CAMTA1: variants seen among roughly 807,000 people sequenced by gnomAD.
The protein encoded by CAMTA1 is calmodulin binding transcription activator 1.
A neutral mutation model predicts 170.9 loss-of-function variants in CAMTA1; 27 were observed. That is an observed-to-expected ratio of 0.16 (90% CI 0.12 to 0.22). The LOEUF is 0.22. Among genes scored for constraint, CAMTA1 ranks in the 10% least tolerant of loss-of-function variants. The pLI is 1.00. For missense variants in CAMTA1, 1,619 were observed against 2,217.2 expected (o/e 0.73, Z 5.42); for synonymous variants, 833 against 891.5 (o/e 0.93, Z 1.17).
At chr1:7,412,122 G>T (rs965225676) in intron 5 of CAMTA1, among the ~76,000 whole-genome samples, 8 of 151,968 alleles carry the variant, frequency 5.3e-5, no homozygotes, top group South Asian at 2.1e-4. Flanking sequence ...TATTCCATGG[G>T]GTATATGTGC....
intron 6 of CAMTA1, among the ~76,000 whole-genome samples, chr1:7,481,052 T>G (rs1402173263): frequency 6.6e-6 from 1 of 152,170 alleles, no homozygotes; most frequent in East Asian, 1.9e-4. Flanking sequence ...TCACTGCCTC[T>G]TTCCTGCTCA....
chr1:7,155,169 G>T (rs1377408362), intron 4 of CAMTA1, among the ~76,000 whole-genome samples: 2 of 152,180 alleles, frequency 1.3e-5, no homozygotes, highest in African/African-American at 2.4e-5. Context: ...GCAGGGGTGT[G>T]GGGGGCTGTG....
At chr1:6,849,726 G>C (rs966261742) in intron 3 of CAMTA1, among the ~76,000 whole-genome samples, 1 of 151,888 alleles carries the variant, frequency 6.6e-6, no homozygotes, top group Non-Finnish European at 1.5e-5. Context: ...GGGACAATTG[G>C]CTTACCACTT....
At chr1:7,389,955 T>C (rs1001058846) in intron 5 of CAMTA1, among the ~76,000 whole-genome samples, 16 of 152,268 alleles carry the variant, frequency 1.1e-4, no homozygotes, top group Admixed American at 9.8e-4. Context: ...TCGGATGCTA[T>C]TTGTGTCCCC....
chr1:7,561,730 C>T lies in CAMTA1; in HGVS notation c.511-78670C>T, dbSNP rs905221410. ...CTAGGCCACTGTGTTAGATTCTTCA[C>T]GACGCCTGTCAGAGGCCACCCCTCC... On this transcript the variant is annotated intron_variant, in intron 6 of 22. Coordinates refer to ENST00000303635, the MANE Select transcript of CAMTA1 (RefSeq NM_015215.4). This position sits in a 1 kb window ranked among gnomAD's most constrained non-coding sequence, Gnocchi z 5.3. Among the ~76,000 whole-genome samples, 2 of 151,638 alleles carry T rather than the reference C, an allele frequency of 1.3e-5. No individual in the cohort carries two copies. Among genetic ancestry groups the T allele is most frequent in the African/African-American group, 4.8e-5 (2 of 41,278 alleles).
intron 6 of CAMTA1, among the ~76,000 whole-genome samples, chr1:7,581,757 G>A (rs900655311): frequency 4.6e-5 from 7 of 152,224 alleles, no homozygotes; most frequent in Non-Finnish European, 1.0e-4. Context: ...CCTCTTGCTG[G>A]GAATTTTCTG....
At chr1:6,831,055 T>TG (rs1649889116) in intron 3 of CAMTA1, among the ~76,000 whole-genome samples, 1 of 151,834 alleles carries the variant, frequency 6.6e-6, no homozygotes, top group African/African-American at 2.4e-5. Context: ...CCTGACCTCA[T>TG]GATCCGCCCG....
At chr1:7,478,729 A>G (rs2093465039) in intron 6 of CAMTA1, among the ~76,000 whole-genome samples, 1 of 152,196 alleles carries the variant, frequency 6.6e-6, no homozygotes, top group African/African-American at 2.4e-5. Context: ...AAGCCAAACA[A>G]TTCCTGCCCC....
chr1:7,507,170 C>T (rs11120956), intron 6 of CAMTA1, among the ~76,000 whole-genome samples: 2,057 of 151,842 alleles, frequency 0.014, 45 homozygotes, highest in African/African-American at 0.046. Context: ...ACAACACACA[C>T]GCTCACACTC....
At chr1:7,392,276 A>T (rs56205211) in intron 5 of CAMTA1, among the ~76,000 whole-genome samples, 3,691 of 67,700 alleles carry the variant, frequency 0.055, 97 homozygotes, top group African/African-American at 0.13. Flanking sequence ...TTTTTTTTTG[A>T]GTCAGTTTTG....
Position 7,176,682 on chromosome 1 carries a change from C to T in CAMTA1, c.303-72809C>T, listed in dbSNP as rs1650909047. Among the ~76,000 whole-genome samples the T allele has an allele frequency of 2.0e-5, 3 of 152,184 alleles. No homozygotes were observed. In the South Asian group the frequency reaches 6.2e-4, roughly 31 times the overall value. ...CACTCACGGGTTTCTACTCTGGATC[C>T]TTCCATAGCATATTTAATCAAGACA... On this transcript the variant is annotated intron_variant, in intron 4 of 22. Transcript: ENST00000303635.
At chr1:6,890,867 C>T (rs1386925121) in intron 3 of CAMTA1, among the ~76,000 whole-genome samples, 3 of 152,218 alleles carry the variant, frequency 2.0e-5, no homozygotes, top group African/African-American at 7.2e-5. Flanking sequence ...CCACCCTGCC[C>T]AGCCTGCTTG....
intron 3 of CAMTA1, among the ~76,000 whole-genome samples, chr1:6,850,585 A>G (rs958743373): frequency 6.6e-6 from 1 of 152,238 alleles, no homozygotes; most frequent in African/African-American, 2.4e-5. Context: ...GACAAAATTT[A>G]AAACAAAATT....
intron 6 of CAMTA1, among the ~76,000 whole-genome samples, chr1:7,524,173 G>C (rs1434523639): frequency 3.9e-5 from 6 of 152,184 alleles, no homozygotes; most frequent in African/African-American, 1.2e-4. Flanking sequence ...CTGCACTCCA[G>C]CCTGGGCGAC....
At chr1:7,270,255 AC>A (rs1669541152) in intron 5 of CAMTA1, among the ~76,000 whole-genome samples, 1 of 20,548 alleles carries the variant, frequency 4.9e-5, no homozygotes, top group East Asian at 7.2e-4. Context: ...ACACACACAC[AC>A]ACACACACAC....
chr1:6,962,755 C>T (rs1690704467), intron 3 of CAMTA1, among the ~76,000 whole-genome samples: 1 of 150,762 alleles, frequency 6.6e-6, no homozygotes, highest in Admixed American at 6.6e-5. Context: ...CCCTTTTCGT[C>T]CTTGCCCACC....
Position 7,248,539 on chromosome 1 carries a change from T to C in CAMTA1, c.303-952T>C. ...ATTTTGGGGGAGTCTTCCTTGACGT[T>C]GGATCTGCCCACAGCTACTGAAACT... is the stretch of plus-strand genomic sequence containing the variant. On this transcript the variant is annotated intron_variant, in intron 4 of 22. Coordinates refer to ENST00000303635, the MANE Select transcript of CAMTA1 (RefSeq NM_015215.4). The surrounding 1 kb of genome is among the most constrained non-coding windows in gnomAD (Gnocchi z 4.0). 6.6e-6 allele frequency among the ~76,000 whole-genome samples: 1 copy of C among 152,182 alleles called. No individual in the cohort carries two copies. The highest frequency in any genetic ancestry group is 1.9e-4 in the East Asian group (1 of 5,182).
At position 7,686,370 on chromosome 1, in the gene CAMTA1, T is replaced by C. The variant is rs573200525; in HGVS notation, c.2914+8637T>C. Reference sequence around the variant, plus strand: ...AGAAGGTGATATTCAAGCTGGGGTATGAGTGACAGGCAGGGGCCAGCCACA... The same window carrying C: ...AGAAGGTGATATTCAAGCTGGGGTACGAGTGACAGGCAGGGGCCAGCCACA... On this transcript the variant is annotated intron_variant, in intron 11 of 22. Transcript: ENST00000303635. Among the ~76,000 whole-genome samples the C allele has an allele frequency of 3.0e-4, 45 of 152,110 alleles. No homozygotes were observed. In the East Asian group the frequency reaches 8.1e-3, roughly 27 times the overall value.
intron 7 of CAMTA1, among the ~76,000 whole-genome samples, chr1:7,654,976 AC>A (rs2095875322): frequency 7.2e-6 from 1 of 139,160 alleles, no homozygotes; most frequent in African/African-American, 2.8e-5. Flanking sequence ...ACCTATACAC[AC>A]ACACCTATAC....
Sources: allele counts gnomAD v4.1 joint callset (sites outside exome capture counted in the v4.1 genomes callset), GRCh38; gene constraint gnomAD v4.1.1; non-coding constraint Gnocchi (gnomAD v3.1); transcripts MANE v1.5; gene names NCBI Gene and HGNC (gene_info 2026-07-23, HGNC 2026-07-21).